ST6GALNAC5: variants seen among roughly 807,000 people sequenced by gnomAD.
The protein encoded by ST6GALNAC5 is alpha-N-acetylgalactosaminide alpha-2,6-sialyltransferase 5.
In ST6GALNAC5, 27 loss-of-function variants were observed where a neutral mutation model predicts 33.6. That is an observed-to-expected ratio of 0.80 (90% CI 0.59 to 1.11). The LOEUF is 1.11. Ranked by LOEUF, ST6GALNAC5 falls within the 50% of genes least tolerant of loss-of-function variation. The probability of loss-of-function intolerance (pLI) is 0.00; values close to 1 mark genes in which losing one functional copy is unlikely to be tolerated. For synonymous variants in ST6GALNAC5, 194 were observed against 171.2 expected (o/e 1.13, Z -1.04); for missense variants, 428 against 454.0 (o/e 0.94, Z 0.52).
chr1:76,916,272 C>T (rs969459689), intron 2 of ST6GALNAC5, among the ~76,000 whole-genome samples: 3 of 152,104 alleles, frequency 2.0e-5, no homozygotes, highest in Non-Finnish European at 4.4e-5. Context: ...CATGCAGCTG[C>T]TTCGCCTTTG....
chr1:77,040,911 A>G (rs900127940), intron 2 of ST6GALNAC5, among the ~76,000 whole-genome samples: 2 of 152,210 alleles, frequency 1.3e-5, no homozygotes, highest in African/African-American at 4.8e-5. Flanking sequence ...GGTCTTTAGA[A>G]TGAATGAACA....
At chr1:76,966,582 C>G (rs1357040288) in intron 2 of ST6GALNAC5, among the ~76,000 whole-genome samples, 2 of 152,054 alleles carry the variant, frequency 1.3e-5, no homozygotes, top group African/African-American at 4.8e-5. Flanking sequence ...TAATTGAATA[C>G]CTTTATTTCT....
At chr1:76,916,936 A>G (rs1176572530) in intron 2 of ST6GALNAC5, among the ~76,000 whole-genome samples, 1 of 152,198 alleles carries the variant, frequency 6.6e-6, no homozygotes. Flanking sequence ...ATAAATATCA[A>G]CAAAGTACAT....
chr1:76,959,879 C>A (rs746370043), intron 2 of ST6GALNAC5, among the ~76,000 whole-genome samples: 11 of 152,142 alleles, frequency 7.2e-5, no homozygotes, highest in Non-Finnish European at 1.5e-4. Flanking sequence ...ATTCAGTCAC[C>A]TTTGAAAGCT....
chr1:76,898,600 T>C (rs1250654873), intron 2 of ST6GALNAC5, among the ~76,000 whole-genome samples: 1 of 151,946 alleles, frequency 6.6e-6, no homozygotes, highest in Non-Finnish European at 1.5e-5. Flanking sequence ...CTGGGCTGGG[T>C]TTTTCATATT....
intron 2 of ST6GALNAC5, among the ~76,000 whole-genome samples, chr1:76,950,981 C>CA (rs374447243): frequency 0.032 from 4,578 of 143,178 alleles, 125 homozygotes; most frequent in African/African-American, 0.072. Flanking sequence ...TTTGTTACAC[C>CA]AAAAAAAAAA....
chr1:76,872,393 C>A (rs1040944758), intron 2 of ST6GALNAC5, among the ~76,000 whole-genome samples: 1 of 152,186 alleles, frequency 6.6e-6, no homozygotes, highest in Admixed American at 6.5e-5. Flanking sequence ...AGCTAAGCAG[C>A]TATCTCTTTG....
chr1:76,989,641 T>C (rs898414821), intron 2 of ST6GALNAC5, among the ~76,000 whole-genome samples: 2 of 152,184 alleles, frequency 1.3e-5, no homozygotes, highest in Admixed American at 1.3e-4. Flanking sequence ...CAGGACCAGG[T>C]CAGCTTTCCT....
At chr1:76,892,603 T>C (rs915217459) in intron 2 of ST6GALNAC5, among the ~76,000 whole-genome samples, 1 of 152,202 alleles carries the variant, frequency 6.6e-6, no homozygotes, top group East Asian at 1.9e-4. Context: ...AAATAAAACA[T>C]TGCATGTCTA....
At chr1:76,925,080 G>A (rs75913299) in intron 2 of ST6GALNAC5, among the ~76,000 whole-genome samples, 1,601 of 152,114 alleles carry the variant, frequency 0.011, 27 homozygotes, top group African/African-American at 0.037. Context: ...GGCATCACAC[G>A]GCAAGAGCAG....
chr1:76,898,065 G>A (rs1033913473), intron 2 of ST6GALNAC5, among the ~76,000 whole-genome samples: 4 of 152,228 alleles, frequency 2.6e-5, no homozygotes, highest in Middle Eastern at 3.2e-3. Flanking sequence ...ATCTGGGAAG[G>A]AGTCAGTCAG....
Position 77,067,545 on chromosome 1 carries a change from A to G in ST6GALNAC5, c.*4339A>G, listed in dbSNP as rs1478122062. Among the ~76,000 whole-genome samples the G allele has an allele frequency of 6.6e-6, 1 of 152,196 alleles. No homozygotes were observed. Among genetic ancestry groups the G allele is most frequent in the Non-Finnish European group, 1.5e-5 (1 of 68,034 alleles). On this transcript the variant is annotated 3_prime_UTR_variant, in exon 5 of 5. Coordinates refer to ENST00000477717, the MANE Select transcript of ST6GALNAC5 (RefSeq NM_030965.3). ...TGTCTGTTGTTGATCATGACCTCTT[A>G]ATGTTGACCCACTGGATTAGTAATT... is the stretch of plus-strand genomic sequence containing the variant.
At chr1:76,944,313 A>G (rs1215664872) in intron 2 of ST6GALNAC5, among the ~76,000 whole-genome samples, 11 of 152,148 alleles carry the variant, frequency 7.2e-5, no homozygotes, top group Admixed American at 7.2e-4. Context: ...AAGATGACCT[A>G]GAGCCAAGAA....
intron 2 of ST6GALNAC5, among the ~76,000 whole-genome samples, chr1:76,912,404 G>C (rs574096454): frequency 6.6e-5 from 10 of 152,214 alleles, no homozygotes; most frequent in African/African-American, 2.4e-4. Flanking sequence ...ATATTCTGTT[G>C]ATTTGGGGTG....
intron 4 of ST6GALNAC5, among the ~76,000 whole-genome samples, chr1:77,058,568 C>CT (rs1258881986): frequency 6.6e-6 from 1 of 152,218 alleles, no homozygotes; most frequent in Non-Finnish European, 1.5e-5. Flanking sequence ...TGGAAGCAGC[C>CT]TGGGGCTCTC....
chr1:76,995,188 A>G (rs1459083021), intron 2 of ST6GALNAC5, among the ~76,000 whole-genome samples: 1 of 152,158 alleles, frequency 6.6e-6, no homozygotes, highest in Admixed American at 6.6e-5. Context: ...GATAGAGGTC[A>G]GGAGTTCAAG....
intron 3 of ST6GALNAC5, 62 bp downstream of exon 3, chr1:77,044,675 C>T (rs994025935): frequency 6.7e-7 from 1 of 1,500,880 alleles, no homozygotes; most frequent in Non-Finnish European, 8.9e-7. Flanking sequence ...CTGGCTGACT[C>T]ACCCAAAGCA....
rs117333116 is a variant in ST6GALNAC5 at position 77,017,778 on chromosome 1, G to A, written c.262-26426G>A. ...TGAGAAAGAATGAATGTGAGATAGG[G>A]ATTTGGTATTAAATATTAAATACAA... On this transcript the variant is annotated intron_variant, in intron 2 of 4. Coordinates refer to ENST00000477717, the MANE Select transcript of ST6GALNAC5 (RefSeq NM_030965.3). Among the ~76,000 whole-genome samples the A allele has an allele frequency of 3.0e-4, 45 of 152,234 alleles. 3 individuals are homozygous for A. The East Asian group carries it at 8.1e-3, about 27-fold the overall frequency.
intron 2 of ST6GALNAC5, among the ~76,000 whole-genome samples, chr1:76,984,021 G>C (rs1279824254): frequency 1.3e-5 from 2 of 152,206 alleles, no homozygotes; most frequent in Non-Finnish European, 2.9e-5. Context: ...AGTGTGTAGA[G>C]GGAAATTTAT....
Sources: allele counts gnomAD v4.1 joint callset (sites outside exome capture counted in the v4.1 genomes callset), GRCh38; gene constraint gnomAD v4.1.1; transcripts MANE v1.5; gene names NCBI Gene and HGNC (gene_info 2026-07-23, HGNC 2026-07-21).